RBM33: variants seen among roughly 807,000 people sequenced by gnomAD.
RBM33 encodes RNA-binding protein 33.
Under a neutral mutation model 132.6 loss-of-function variants are expected in RBM33, and 28 were observed. The observed-to-expected ratio is 0.21, with a 90% CI of 0.16 to 0.29. The LOEUF is 0.29. Ranked by LOEUF, RBM33 falls within the 10% of genes least tolerant of loss-of-function variation. RBM33 has a pLI of 1.00. For missense variants in RBM33, 1,291 were observed against 1,518.5 expected (o/e 0.85, Z 2.49); for synonymous variants, 634 against 593.0 (o/e 1.07, Z -1.01).
intron 9 of RBM33, 151 bp from the exon 10 acceptor site, chr7:155,737,379 G>GTGTGTGTGTGTT: frequency 1.5e-6 from 1 of 646,272 alleles, no homozygotes; most frequent in Non-Finnish European, 2.6e-6. Context: ...GTGTGTGTGT[G>GTGTGTGTGTGTT]TGTGTGTAGA....
At chr7:155,645,997 C>CATG (rs764338553) in intron 1 of RBM33, among the ~76,000 whole-genome samples, 230 of 152,308 alleles carry the variant, frequency 1.5e-3, no homozygotes, top group Non-Finnish European at 2.8e-3. Context: ...AGTTTAAATA[C>CATG]ATGATGTTTG....
rs917055660 is a variant in RBM33 at position 155,778,142 on chromosome 7, G to A, written c.*3101G>A. The A allele has an allele frequency of 1.0e-4, 16 of 152,632 alleles. No homozygotes were observed. Among genetic ancestry groups the A allele is most frequent in the Admixed American group, 9.8e-4 (15 of 15,280 alleles). The allele number at this position is 152,632 out of a possible 1,614,324, so 9.5% of individuals were successfully genotyped here. The stretch of plus-strand genomic sequence containing the variant: ...GTTTTGTGGACAGGCAGCAGCCTCC[G>A]TAGGCACCCGCACCCTGCCTTGCTG... On this transcript the variant is annotated 3_prime_UTR_variant, in exon 18 of 18. Coordinates refer to ENST00000401878, the MANE Select transcript of RBM33 (RefSeq NM_053043.3). The surrounding 1 kb of genome is among the most constrained non-coding windows in gnomAD (Gnocchi z 4.0).
intron 2 of RBM33, among the ~76,000 whole-genome samples, chr7:155,669,348 C>T (rs561210331): frequency 2.8e-4 from 42 of 152,146 alleles, no homozygotes; most frequent in African/African-American, 9.9e-4. Flanking sequence ...GATACCCACT[C>T]AAAAAGTTTT....
chr7:155,648,569 A>G (rs187096581), intron 1 of RBM33, among the ~76,000 whole-genome samples: 2 of 152,328 alleles, frequency 1.3e-5, no homozygotes, highest in East Asian at 1.9e-4. Context: ...TTAATCACTA[A>G]TAGTGCTGAT....
intron 6 of RBM33, chr7:155,701,433 G>T: frequency 6.1e-6 from 1 of 164,710 alleles, no homozygotes; most frequent in South Asian, 1.7e-4. Context: ...CTCGTTTATA[G>T]AAATAATCAC....
intron 5 of RBM33, among the ~76,000 whole-genome samples, chr7:155,690,362 T>C (rs1799600471): frequency 6.6e-6 from 1 of 152,190 alleles, no homozygotes; most frequent in Admixed American, 6.5e-5. Context: ...CCTATATGTG[T>C]CTCTGCACGT....
At chr7:155,742,848 G>A (rs542273710) in intron 13 of RBM33, among the ~76,000 whole-genome samples, 6 of 152,280 alleles carry the variant, frequency 3.9e-5, no homozygotes, top group East Asian at 3.9e-4. Context: ...AAGGAGGGTC[G>A]GCCAGGGCGG....
chr7:155,770,484 T>C (rs1264003417), intron 16 of RBM33, among the ~76,000 whole-genome samples: 1 of 152,120 alleles, frequency 6.6e-6, no homozygotes, highest in African/African-American at 2.4e-5. Flanking sequence ...CCCCACCCGC[T>C]CTAGTGTCAG....
rs1169025469 is a variant in RBM33, at chr7:155,778,011, C to T, written c.*2970C>T. ...AAGTTCACTTAGCTACTTTAGATAA[C>T]CTTGCATTACCACTGGTCTGGCCAC... On this transcript the variant is annotated 3_prime_UTR_variant, in exon 18 of 18. Coordinates refer to ENST00000401878, the MANE Select transcript of RBM33 (RefSeq NM_053043.3). This position sits in a 1 kb window ranked among gnomAD's most constrained non-coding sequence, Gnocchi z 4.0. 1 of 152,740 alleles carries T rather than the reference C, an allele frequency of 6.5e-6. No individual in the cohort carries two copies. The highest frequency in any genetic ancestry group is 2.4e-5 in the African/African-American group (1 of 41,550). The allele number at this position is 152,740 out of a possible 1,614,324, so 9.5% of individuals were successfully genotyped here.
At chr7:155,741,306 C>T (rs554827682) in intron 12 of RBM33, among the ~76,000 whole-genome samples, 1 of 151,836 alleles carries the variant, frequency 6.6e-6, no homozygotes, top group Admixed American at 6.6e-5. Flanking sequence ...ATGAATATGA[C>T]TAAGCATTTC....
In RBM33 at chr7:155,661,146, A is replaced by ATATATTTTTTT. The variant is rs1421586760; in HGVS notation, c.44-4028_44-4027insATATTTTTTTT. On this transcript the variant is annotated intron_variant, in intron 1 of 17. Coordinates refer to ENST00000401878, the MANE Select transcript of RBM33 (RefSeq NM_053043.3). The stretch of plus-strand genomic sequence containing the variant: ...TGTGTGTGTGTATATATATATATAT[A>ATATATTTTTTT]TTTTTTTTTTTTTGAGACAGAGTCT... Among the ~76,000 whole-genome samples, 39 of 81,188 alleles carry ATATATTTTTTT rather than the reference A, an allele frequency of 4.8e-4. 1 individual carries two copies. Among genetic ancestry groups the ATATATTTTTTT allele is most frequent in the South Asian group, 1.5e-3 (3 of 1,968 alleles). The allele number at this position is 81,188 out of a possible 152,430, so 53.3% of individuals were successfully genotyped here.
intron 16 of RBM33, among the ~76,000 whole-genome samples, chr7:155,770,887 C>T (rs181111128): frequency 7.9e-5 from 12 of 152,280 alleles, no homozygotes; most frequent in East Asian, 3.9e-4. Context: ...TTCGATCTTA[C>T]GGTTCTGGAT....
intron 8 of RBM33, among the ~76,000 whole-genome samples, chr7:155,716,040 C>A (rs1208032710): frequency 6.6e-6 from 1 of 152,182 alleles, no homozygotes; most frequent in Non-Finnish European, 1.5e-5. Flanking sequence ...GAATTGAAAA[C>A]AGTCCATTAA....
intron 1 of RBM33, among the ~76,000 whole-genome samples, chr7:155,664,241 A>G (rs56193457): frequency 0.62 from 94,332 of 151,048 alleles, 30,719 homozygotes; most frequent in South Asian, 0.77. Context: ...TTATATATAT[A>G]TATGTGTGTG....
At position 155,781,277 on chromosome 7, in the gene RBM33, C is replaced by G. The variant is rs1169895474; in HGVS notation, c.*6236C>G. The G allele has an allele frequency of 6.6e-6, 1 of 152,262 alleles. No individual in the cohort carries two copies. Among genetic ancestry groups the G allele is most frequent in the Non-Finnish European group, 1.5e-5 (1 of 68,058 alleles). The allele number at this position is 152,262 out of a possible 1,614,324, so 9.4% of individuals were successfully genotyped here. A position where few individuals can be genotyped will look rare whatever the true frequency, so the allele number is the denominator to read the frequency against. ...CACCACACCTACCTTGGGGGAATGC[C>G]GTTGCCTGTTCCACCCCTTTGTTCA... is the stretch of plus-strand genomic sequence containing the variant. On this transcript the variant is annotated 3_prime_UTR_variant, in exon 18 of 18. Coordinates refer to ENST00000401878, the MANE Select transcript of RBM33 (RefSeq NM_053043.3).
At chr7:155,748,238 C>CTA (rs1391110891) in intron 14 of RBM33, among the ~76,000 whole-genome samples, 1 of 152,228 alleles carries the variant, frequency 6.6e-6, no homozygotes, top group East Asian at 1.9e-4. Flanking sequence ...CTAACCTATA[C>CTA]TATATCCTAA....
intron 9 of RBM33, among the ~76,000 whole-genome samples, chr7:155,726,007 G>T (rs1053106739): frequency 9.2e-5 from 14 of 152,128 alleles, no homozygotes; most frequent in African/African-American, 3.4e-4. Flanking sequence ...TGTGATAGAG[G>T]GCTGTAATTT....
At chr7:155,727,202 G>T (rs1380781754) in intron 9 of RBM33, among the ~76,000 whole-genome samples, 1 of 152,174 alleles carries the variant, frequency 6.6e-6, no homozygotes, top group Non-Finnish European at 1.5e-5. Flanking sequence ...TGTATTCCAG[G>T]CCGAAAGGAG....
chr7:155,708,313 G>C (rs1800175039), intron 7 of RBM33, among the ~76,000 whole-genome samples: 1 of 152,178 alleles, frequency 6.6e-6, no homozygotes, highest in African/African-American at 2.4e-5. Context: ...CAGCAGAAAG[G>C]CTGGATTTAC....
Sources: allele counts gnomAD v4.1 joint callset (sites outside exome capture counted in the v4.1 genomes callset), GRCh38; gene constraint gnomAD v4.1.1; non-coding constraint Gnocchi (gnomAD v3.1); transcripts MANE v1.5; gene names NCBI Gene and HGNC (gene_info 2026-07-23, HGNC 2026-07-21).